The following PHACTR2 variants were observed in gnomAD, a reference collection of about 807,000 sequenced individuals.
PHACTR2 encodes the protein chromosome 6 open reading frame 56.
PHACTR2 carries 30 observed loss-of-function variants against 76.0 expected under a neutral mutation model. That is an observed-to-expected ratio of 0.39 (90% CI 0.30 to 0.54). The LOEUF is 0.54. Among genes scored for constraint, PHACTR2 ranks in the 20% least tolerant of loss-of-function variants. PHACTR2 has a pLI of 0.61. For synonymous variants in PHACTR2, 292 were observed against 292.5 expected (o/e 1.00, Z 0.02); for missense variants, 696 against 781.1 (o/e 0.89, Z 1.30).
At chr6:143,702,958 A>G (rs1333442377) in intron 1 of PHACTR2, among the ~76,000 whole-genome samples, 1 of 151,634 alleles carries the variant, frequency 6.6e-6, no homozygotes, top group Non-Finnish European at 1.5e-5. Context: ...ACAGACATTC[A>G]GTGAAAGAAA....
At chr6:143,563,390 G>T (rs915802918) in intron 1 of PHACTR2, among the ~76,000 whole-genome samples, 6 of 80,592 alleles carry the variant, frequency 7.4e-5, no homozygotes, top group Admixed American at 6.9e-4. Flanking sequence ...TGGTGAAACC[G>T]CATCTCTACG....
rs1206109072 is a variant in PHACTR2, at chr6:143,553,274, A to G, written c.217+16067A>G. ...GAGAGATTTTAATGAGTGATAGACT[A>G]TTGCTATAGAGAACTATTCAGTGTG... On this transcript the variant is annotated intron_variant, in intron 1 of 11. Coordinates refer to the PHACTR2 transcript ENST00000367584. The surrounding 1 kb of genome is among the most constrained non-coding windows in gnomAD (Gnocchi z 4.2). 6.6e-6 allele frequency among the ~76,000 whole-genome samples: 1 copy of G among 152,244 alleles called. No homozygotes were observed. The highest frequency in any genetic ancestry group is 1.5e-5 in the Non-Finnish European group (1 of 68,044).
rs2128437867 is a variant in PHACTR2, at chr6:143,611,803, G to A, written c.13+3481G>A. ...AATTCTGAGCAAAGAGACTAGTCAA[G>A]TGGCTGTCTCAGAAGTAGAACTGGA... On this transcript the variant is annotated intron_variant, in intron 1 of 11. Transcript: ENST00000305766. The surrounding 1 kb of genome is among the most constrained non-coding windows in gnomAD (Gnocchi z 4.4). 6.6e-6 allele frequency among the ~76,000 whole-genome samples: 1 copy of A among 152,320 alleles called. No individual in the cohort carries two copies. The highest frequency in any genetic ancestry group is 2.1e-4 in the South Asian group (1 of 4,816).
In PHACTR2 at chr6:143,658,699, C is replaced by G. The variant is rs1582743538; in HGVS notation, c.13+50377C>G. 6.6e-6 allele frequency among the ~76,000 whole-genome samples: 1 copy of G among 152,110 alleles called. No homozygotes were observed. The highest frequency in any genetic ancestry group is 2.4e-5 in the African/African-American group (1 of 41,510). Reference sequence around the variant, plus strand: ...ATATCTAAACATAGAAAAGGTATAGCAAAACTATAGTGTAAAGATTAAAAA... The same window carrying G: ...ATATCTAAACATAGAAAAGGTATAGGAAAACTATAGTGTAAAGATTAAAAA... On this transcript the variant is annotated intron_variant, in intron 1 of 11. Coordinates refer to the PHACTR2 transcript ENST00000305766. The surrounding 1 kb of genome is among the most constrained non-coding windows in gnomAD (Gnocchi z 4.1).
chr6:143,772,105 T>G lies in PHACTR2; in HGVS notation c.1233-153T>G, dbSNP rs902439606. 6.6e-6 allele frequency among the ~76,000 whole-genome samples: 1 copy of G among 152,232 alleles called. No individual in the cohort carries two copies. Among genetic ancestry groups the G allele is most frequent in the African/African-American group, 2.4e-5 (1 of 41,464 alleles). On this transcript the variant is annotated intron_variant, in intron 6 of 12. Coordinates refer to ENST00000440869, the MANE Select transcript of PHACTR2 (RefSeq NM_001100164.2). This position sits in a 1 kb window ranked among gnomAD's most constrained non-coding sequence, Gnocchi z 5.4. ...ATGTAAAACCTTGAGAATTAAGGTTTCATTTCAGTGACTTTAGCCTGGCCT... is the reference window on the plus strand; with the variant it reads ...ATGTAAAACCTTGAGAATTAAGGTTGCATTTCAGTGACTTTAGCCTGGCCT...
At chr6:143,601,554 A>T (rs1775814687) in intron 1 of PHACTR2, among the ~76,000 whole-genome samples, 1 of 152,194 alleles carries the variant, frequency 6.6e-6, no homozygotes, top group African/African-American at 2.4e-5. Context: ...GTTTTATTAG[A>T]AAAGCTAAAC....
rs73778621 is a variant in PHACTR2 at position 143,627,203 on chromosome 6, G to A, written c.13+18881G>A. ...AGGCTCCAAGGGTGATGATATTTGG[G>A]CTGGGATGTTTGAAGAACAGGTTCA... On this transcript the variant is annotated intron_variant, in intron 1 of 11. Coordinates refer to the PHACTR2 transcript ENST00000305766. This position sits in a 1 kb window ranked among gnomAD's most constrained non-coding sequence, Gnocchi z 4.3. Among the ~76,000 whole-genome samples, 544 of 152,288 alleles carry A rather than the reference G, an allele frequency of 3.6e-3. No homozygotes were observed. The highest frequency in any genetic ancestry group is 0.012 in the African/African-American group (497 of 41,560).
rs1775470323 is a variant in PHACTR2 at position 143,783,061 on chromosome 6, CA to C, written c.1646-156del. 6.9e-6 allele frequency among the ~76,000 whole-genome samples: 1 copy of C among 145,386 alleles called. No homozygotes were observed. Among genetic ancestry groups the C allele is most frequent in the African/African-American group, 2.5e-5 (1 of 40,290 alleles). ...TATGTGTGTGTGTGTGTAAGATGAT[CA>C]ACCTTCCTACAAAATATTTTGACAA... On this transcript the variant is annotated intron_variant, in intron 9 of 12. Coordinates refer to ENST00000440869, the MANE Select transcript of PHACTR2 (RefSeq NM_001100164.2). This position sits in a 1 kb window ranked among gnomAD's most constrained non-coding sequence, Gnocchi z 5.2.
intron 1 of PHACTR2, among the ~76,000 whole-genome samples, chr6:143,686,459 C>T (rs1054858506): frequency 7.0e-6 from 1 of 143,492 alleles, no homozygotes; most frequent in Admixed American, 7.0e-5. Context: ...TGTACACACA[C>T]ATAGAGGAGA....
rs1218113174 is a variant in PHACTR2 at position 143,608,836 on chromosome 6, T to C, written c.13+514T>C. ...TATTTTAATTTCAGAATAGAGACAT[T>C]AGTGGTCAATTGTGAACCTTTAAAA... On this transcript the variant is annotated intron_variant, in intron 1 of 11. Coordinates refer to the PHACTR2 transcript ENST00000305766. The surrounding 1 kb of genome is among the most constrained non-coding windows in gnomAD (Gnocchi z 4.6). Among the ~76,000 whole-genome samples, 1 of 152,218 alleles carries C rather than the reference T, an allele frequency of 6.6e-6. No individual in the cohort carries two copies. The highest frequency in any genetic ancestry group is 1.5e-5 in the Non-Finnish European group (1 of 68,040).
In PHACTR2 at chr6:143,551,592, G is replaced by A. The variant is rs1216641919; in HGVS notation, c.217+14385G>A. Among the ~76,000 whole-genome samples, 7 of 152,284 alleles carry A rather than the reference G, an allele frequency of 4.6e-5. No individual in the cohort carries two copies. The East Asian group carries it at 1.2e-3, about 25-fold the overall frequency. ...AGGGCTGTGATGATAGGAACAGGAA[G>A]GAAGGGAGACCTTGGGAACTATTGC... is the stretch of plus-strand genomic sequence containing the variant. On this transcript the variant is annotated intron_variant, in intron 1 of 11. Coordinates refer to the PHACTR2 transcript ENST00000367584.
At chr6:143,759,025 A>G (rs1283021256) in intron 4 of PHACTR2, among the ~76,000 whole-genome samples, 1 of 152,182 alleles carries the variant, frequency 6.6e-6, no homozygotes, top group Non-Finnish European at 1.5e-5. Flanking sequence ...CACTGTCTCA[A>G]GGTTTTTATT....
At chr6:143,769,705 A>C (rs1356363566) in intron 6 of PHACTR2, among the ~76,000 whole-genome samples, 1 of 152,186 alleles carries the variant, frequency 6.6e-6, no homozygotes, top group Non-Finnish European at 1.5e-5. Flanking sequence ...ATAATTAATT[A>C]GTGAACAATG....
rs1776971049 is a variant in PHACTR2, at chr6:143,663,115, A to G, written c.14-48901A>G. On this transcript the variant is annotated intron_variant, in intron 1 of 11. Transcript: ENST00000305766. This position sits in a 1 kb window ranked among gnomAD's most constrained non-coding sequence, Gnocchi z 4.1. ...GTTTTCTCTAGCCAGGCCCCCACTA[A>G]TGAGCACCTAGGTTGATTCCATGTC... Among the ~76,000 whole-genome samples, 1 of 152,106 alleles carries G rather than the reference A, an allele frequency of 6.6e-6. No homozygotes were observed. Among genetic ancestry groups the G allele is most frequent in the East Asian group, 1.9e-4 (1 of 5,190 alleles).
In PHACTR2 at chr6:143,541,906, C is replaced by T. The variant is rs545674664; in HGVS notation, c.217+4699C>T. ...CTCTTTGAGTTGATGCTTTGTGCTC[C>T]GAAAGGGTGTCTGGGTCCCAAGAGG... On this transcript the variant is annotated intron_variant, in intron 1 of 11. Transcript: ENST00000367584. This position sits in a 1 kb window ranked among gnomAD's most constrained non-coding sequence, Gnocchi z 5.3. 3.3e-5 allele frequency among the ~76,000 whole-genome samples: 5 copies of T among 152,158 alleles called. No homozygotes were observed. The highest frequency in any genetic ancestry group is 6.5e-5 in the Admixed American group (1 of 15,284).
rs1027072031 is a variant in PHACTR2 at position 143,710,692 on chromosome 6, A to G, written c.47-1324A>G. Among the ~76,000 whole-genome samples the G allele has an allele frequency of 1.3e-5, 2 of 152,202 alleles. No individual in the cohort carries two copies. The highest frequency in any genetic ancestry group is 4.8e-5 in the African/African-American group (2 of 41,458). Reference sequence around the variant, plus strand: ...AGCCTGGGCGACAGAGCAAGACTCTATCTCAAAAAGAAAAAGTAAGTCTGT... The same window carrying G: ...AGCCTGGGCGACAGAGCAAGACTCTGTCTCAAAAAGAAAAAGTAAGTCTGT... On this transcript the variant is annotated intron_variant, in intron 1 of 12. Coordinates refer to ENST00000440869, the MANE Select transcript of PHACTR2 (RefSeq NM_001100164.2). This position sits in a 1 kb window ranked among gnomAD's most constrained non-coding sequence, Gnocchi z 4.9.
At chr6:143,779,899 T>TTTATATTATATTATATTATATTATA (rs377378201) in intron 9 of PHACTR2, among the ~76,000 whole-genome samples, 54 of 140,982 alleles carry the variant, frequency 3.8e-4, no homozygotes, top group South Asian at 9.0e-4. Flanking sequence ...CATATACGTA[T>TTTATATTATATTATATTATATTATA]TTATATTATA....
rs1222171754 is a variant in PHACTR2, at chr6:143,722,813, G to GT, written c.214+10637dup. On this transcript the variant is annotated intron_variant, in intron 2 of 12. Transcript: ENST00000440869. This position sits in a 1 kb window ranked among gnomAD's most constrained non-coding sequence, Gnocchi z 4.1. ...GTTCTACTCTATCTCCATGAGTTCA[G>GT]TTTTTTTGTTTTAGCTCCCACATAT... Among the ~76,000 whole-genome samples, 2 of 152,074 alleles carry GT rather than the reference G, an allele frequency of 1.3e-5. No homozygotes were observed. The highest frequency in any genetic ancestry group is 4.8e-5 in the African/African-American group (2 of 41,404).
At position 143,823,554 on chromosome 6, in the gene PHACTR2, T is replaced by C; in HGVS notation, c.1923-120T>C. 1.5e-6 allele frequency: 1 copy of C among 679,554 alleles called. No homozygotes were observed. 42.1% of individuals were successfully genotyped at this position (679,554 alleles called of 1,614,324 possible). ...TATGACAGAAATTTGTAAACAGTAA[T>C]TCAGTTGGGGGATATCTGGGGTACC... is the stretch of plus-strand genomic sequence containing the variant. On this transcript the variant is annotated intron_variant, in intron 12 of 12. Transcript: ENST00000440869. This position sits in a 1 kb window ranked among gnomAD's most constrained non-coding sequence, Gnocchi z 5.7.
Sources: gnomAD v4.1 joint callset for allele counts (sites outside exome capture counted in the v4.1 genomes callset) on GRCh38, gnomAD v4.1.1 for gene constraint, Gnocchi (gnomAD v3.1) non-coding constraint, MANE v1.5 for transcripts, NCBI Gene and HGNC (gene_info 2026-07-23, HGNC 2026-07-21) for gene names.